Variants in SPTLC2 observed in about 807,000 individuals in gnomAD.
The protein encoded by SPTLC2 is serine palmitoyltransferase 2.
In SPTLC2, 21 loss-of-function variants were observed where a neutral mutation model predicts 62.0. That is an observed-to-expected ratio of 0.34 (90% confidence interval 0.24 to 0.49). The LOEUF is 0.49. SPTLC2 is among the 20% of genes least tolerant of loss of function. The pLI is 0.99. For synonymous variants in SPTLC2, 261 were observed against 261.8 expected (o/e 1.00, Z 0.03); for missense variants, 511 against 713.0 (o/e 0.72, Z 3.23).
intron 9 of SPTLC2, 123 bp downstream of exon 9, chr14:77,551,973 C>T: frequency 6.9e-7 from 1 of 1,441,856 alleles, no homozygotes; most frequent in Non-Finnish European, 9.4e-7. Flanking sequence ...ATGGAAACCA[C>T]ACACCAGCCA....
rs1013850048 is a variant in SPTLC2, at chr14:77,506,908, A to C, written c.*5376T>G. On this transcript the variant is annotated 3_prime_UTR_variant, in exon 12 of 12. Coordinates refer to ENST00000216484, the MANE Select transcript of SPTLC2 (RefSeq NM_004863.4). The stretch of plus-strand genomic sequence containing the variant: ...GGTATTGCTTCATTAAGAACACAGT[A>C]ACTGCAGTTTAAAAGCCATTGCATT... The C allele has an allele frequency of 3.3e-5, 5 of 152,250 alleles. No individual in the cohort carries two copies. Among genetic ancestry groups the C allele is most frequent in the Admixed American group, 3.3e-4 (5 of 15,288 alleles). 9.4% of individuals were successfully genotyped at this position (152,250 alleles called of 1,614,324 possible).
chr14:77,551,931 G>T (rs2079557692), intron 9 of SPTLC2, among the ~76,000 whole-genome samples, 165 bp downstream of exon 9: 1 of 152,194 alleles, frequency 6.6e-6, no homozygotes, highest in Admixed American at 6.5e-5. Flanking sequence ...CGTTCTCATG[G>T]CATATGTATC....
intron 2 of SPTLC2, among the ~76,000 whole-genome samples, chr14:77,595,181 A>G (rs911793508): frequency 3.9e-5 from 6 of 152,158 alleles, no homozygotes; most frequent in East Asian, 1.9e-4. Flanking sequence ...CCTGGCCAAC[A>G]TGGTGAAACC....
chr14:77,555,611 T>G (rs1594987140), intron 7 of SPTLC2, 92 bp from the exon 8 acceptor site: 1 of 1,240,056 alleles, frequency 8.1e-7, no homozygotes, highest in South Asian at 1.3e-5. Flanking sequence ...ATTATTGAGT[T>G]TACTGCTTCT....
At chr14:77,557,308 G>A in intron 6 of SPTLC2, 162 bp from the exon 7 acceptor site, 1 of 636,576 alleles carries the variant, frequency 1.6e-6, no homozygotes, top group Non-Finnish European at 2.7e-6. Flanking sequence ...GTGAATTATT[G>A]CCACCTTGAA....
chr14:77,583,722 A>T (rs960533946), intron 2 of SPTLC2, among the ~76,000 whole-genome samples: 19 of 152,318 alleles, frequency 1.2e-4, no homozygotes, highest in Admixed American at 4.6e-4. Context: ...GGGAATAAAA[A>T]TGAGTAAGAA....
intron 2 of SPTLC2, among the ~76,000 whole-genome samples, chr14:77,581,049 G>C (rs2079747270): frequency 6.6e-6 from 1 of 152,150 alleles, no homozygotes; most frequent in Non-Finnish European, 1.5e-5. Context: ...CAGACCATAT[G>C]AGATCTACTT....
At chr14:77,548,177 T>C (rs934085451) in intron 9 of SPTLC2, among the ~76,000 whole-genome samples, 22 of 152,208 alleles carry the variant, frequency 1.4e-4, no homozygotes, top group African/African-American at 5.3e-4. Flanking sequence ...CTAGTTAATT[T>C]GGTTCCATAA....
intron 1 of SPTLC2, among the ~76,000 whole-genome samples, chr14:77,604,066 G>T (rs150135714): frequency 2.7e-3 from 417 of 152,332 alleles, no homozygotes; most frequent in African/African-American, 9.7e-3. Flanking sequence ...AATCCGGTTT[G>T]TGTCAACTTC....
At position 77,540,205 on chromosome 14, in the gene SPTLC2, CAAA is replaced by C. The variant is rs34847653; in HGVS notation, c.1303+11888_1303+11890del. Among the ~76,000 whole-genome samples the C allele has an allele frequency of 2.1e-3, 180 of 87,690 alleles. 1 individual carries two copies. Among genetic ancestry groups the C allele is most frequent in the Middle Eastern group, 0.016 (3 of 190 alleles). The allele number at this position is 87,690 out of a possible 152,430, so 57.5% of individuals were successfully genotyped here. On this transcript the variant is annotated intron_variant, in intron 9 of 11. Transcript: ENST00000216484. Reference sequence around the variant, plus strand: ...GGCAACAAGAGCGAAACTCTTGTCTCAAAAAAAAAAAAAAAAAAAAAAGTAATA... The same window carrying C: ...GGCAACAAGAGCGAAACTCTTGTCTCAAAAAAAAAAAAAAAAAAAGTAATA...
intron 11 of SPTLC2, among the ~76,000 whole-genome samples, chr14:77,517,787 G>A (rs913443766): frequency 1.3e-5 from 2 of 152,126 alleles, no homozygotes; most frequent in African/African-American, 4.8e-5. Context: ...AGAGTGGAAA[G>A]AGAATTGTAG....
intron 10 of SPTLC2, among the ~76,000 whole-genome samples, chr14:77,519,994 A>G (rs941093832): frequency 1.3e-4 from 20 of 151,848 alleles, no homozygotes; most frequent in Admixed American, 2.6e-4. Context: ...GCTTTTCTTT[A>G]TACATGCTGT....
At chr14:77,574,745 A>G (rs1331211083) in intron 4 of SPTLC2, among the ~76,000 whole-genome samples, 1 of 152,242 alleles carries the variant, frequency 6.6e-6, no homozygotes, top group Non-Finnish European at 1.5e-5. Context: ...CAGACAGAAA[A>G]GACCAAATGT....
At chr14:77,529,992 T>C (rs555654863) in intron 9 of SPTLC2, among the ~76,000 whole-genome samples, 11 of 152,182 alleles carry the variant, frequency 7.2e-5, no homozygotes, top group Non-Finnish European at 1.6e-4. Flanking sequence ...CAGTACTTTA[T>C]AGTCTATCAT....
chr14:77,562,275 A>T, intron 6 of SPTLC2, 121 bp downstream of exon 6: 1 of 868,926 alleles, frequency 1.2e-6, no homozygotes, highest in Non-Finnish European at 1.9e-6. Context: ...AGAACATTTT[A>T]AATGTTGCTA....
At chr14:77,587,088 C>T (rs1019933763) in intron 2 of SPTLC2, among the ~76,000 whole-genome samples, 1 of 152,030 alleles carries the variant, frequency 6.6e-6, no homozygotes, top group African/African-American at 2.4e-5. Context: ...ATTAGCTGGG[C>T]GTGGTAGCGG....
At chr14:77,604,770 G>A (rs918237169) in intron 1 of SPTLC2, among the ~76,000 whole-genome samples, 1 of 151,218 alleles carries the variant, frequency 6.6e-6, no homozygotes, top group East Asian at 2.0e-4. Context: ...GGGAGGCTGA[G>A]GCAGGAGAAT....
intron 9 of SPTLC2, among the ~76,000 whole-genome samples, chr14:77,534,590 C>CACACACACAA (rs1157113241): frequency 6.9e-6 from 1 of 145,892 alleles, no homozygotes; most frequent in Non-Finnish European, 1.5e-5. Flanking sequence ...TATTTCAGTA[C>CACACACACAA]ACACACACAC....
chr14:77,596,054 C>T (rs188293065), intron 2 of SPTLC2, among the ~76,000 whole-genome samples: 18 of 152,102 alleles, frequency 1.2e-4, no homozygotes, highest in African/African-American at 4.1e-4. Context: ...AACAAAAAAA[C>T]TGGCCAGGCA....
Sources: gnomAD v4.1 joint callset for allele counts (sites outside exome capture counted in the v4.1 genomes callset) on GRCh38, gnomAD v4.1.1 for gene constraint, MANE v1.5 for transcripts, NCBI Gene and HGNC (gene_info 2026-07-23, HGNC 2026-07-21) for gene names.